CNTNAP2: variants seen among roughly 807,000 people sequenced by gnomAD.
CNTNAP2 encodes the protein contactin-associated protein-like 2.
A neutral mutation model predicts 155.2 loss-of-function variants in CNTNAP2; 98 were observed. The ratio of observed to expected loss-of-function variants is 0.63; its 90% CI spans 0.54 to 0.75. The LOEUF is 0.75. CNTNAP2 is among the 30% of genes least tolerant of loss of function. The probability of loss-of-function intolerance (pLI) is 0.00; values close to 1 mark genes in which losing one functional copy is unlikely to be tolerated. For synonymous variants in CNTNAP2, 651 were observed against 631.2 expected, an observed-to-expected ratio of 1.03 and a Z score of -0.47; for missense variants, 1,727 against 1,688.1, an observed-to-expected ratio of 1.02 and a Z score of -0.40.
intron 1 of CNTNAP2, among the ~76,000 whole-genome samples, chr7:146,189,632 A>G (rs1798673662): frequency 2.0e-5 from 3 of 152,200 alleles, no homozygotes. Context: ...AGAAAGTTAA[A>G]GAGTAGATTT....
chr7:147,769,485 G>T (rs1797434557), intron 13 of CNTNAP2, among the ~76,000 whole-genome samples: 2 of 152,044 alleles, frequency 1.3e-5, no homozygotes, highest in South Asian at 4.1e-4. Context: ...ATTATCCAAA[G>T]AAAAAGCCAA....
intron 1 of CNTNAP2, among the ~76,000 whole-genome samples, chr7:146,698,820 T>A (rs1167916121): frequency 6.6e-6 from 1 of 152,152 alleles, no homozygotes; most frequent in Non-Finnish European, 1.5e-5. Context: ...TATTTTTCAT[T>A]TTTTTACTCT....
chr7:147,971,001 T>C (rs1801323364), intron 14 of CNTNAP2, among the ~76,000 whole-genome samples: 1 of 152,164 alleles, frequency 6.6e-6, no homozygotes, highest in South Asian at 2.1e-4. Context: ...AAATCATGGG[T>C]ATCTAAGAAA....
At chr7:147,966,503 C>G (rs1298240189) in intron 14 of CNTNAP2, among the ~76,000 whole-genome samples, 1 of 151,988 alleles carries the variant, frequency 6.6e-6, no homozygotes, top group Non-Finnish European at 1.5e-5. Flanking sequence ...TATATCCAAA[C>G]AGAAGTCATG....
intron 9 of CNTNAP2, among the ~76,000 whole-genome samples, chr7:147,309,210 A>C (rs1795081537): frequency 6.6e-6 from 1 of 152,196 alleles, no homozygotes; most frequent in Admixed American, 6.5e-5. Flanking sequence ...ATAGTGCTGA[A>C]TATCCTTCAT....
chr7:146,341,267 G>A (rs190441913), intron 1 of CNTNAP2, among the ~76,000 whole-genome samples: 2 of 152,188 alleles, frequency 1.3e-5, no homozygotes, highest in African/African-American at 2.4e-5. Context: ...AATGTAATTT[G>A]TTAAGTAACA....
At chr7:147,146,014 G>A (rs1454438226) in intron 8 of CNTNAP2, among the ~76,000 whole-genome samples, 1 of 152,168 alleles carries the variant, frequency 6.6e-6, no homozygotes, top group East Asian at 1.9e-4. Flanking sequence ...ATCATTAGTA[G>A]ATGCAAACAT....
intron 1 of CNTNAP2, among the ~76,000 whole-genome samples, chr7:146,264,843 G>T (rs1799970069): frequency 6.6e-6 from 1 of 152,166 alleles, no homozygotes; most frequent in South Asian, 2.1e-4. Flanking sequence ...AGCCTATGAT[G>T]CTCCAAATGC....
chr7:147,790,439 A>G (rs554104980), intron 13 of CNTNAP2, among the ~76,000 whole-genome samples: 1 of 152,162 alleles, frequency 6.6e-6, no homozygotes, highest in South Asian at 2.1e-4. Context: ...ACTTCTTCCT[A>G]TAATTTGATT....
intron 23 of CNTNAP2, 66 bp from the exon 24 acceptor site, chr7:148,415,351 T>C (rs1799956906): frequency 1.3e-6 from 2 of 1,530,496 alleles, no homozygotes; most frequent in African/African-American, 2.7e-5. Context: ...TGTAGTGAAG[T>C]GGGGACAGTG....
At chr7:147,905,579 T>C (rs1168550070) in intron 14 of CNTNAP2, among the ~76,000 whole-genome samples, 1 of 152,120 alleles carries the variant, frequency 6.6e-6, no homozygotes, top group Non-Finnish European at 1.5e-5. Context: ...GTGTGCAAGA[T>C]ACAACAAAAA....
intron 1 of CNTNAP2, among the ~76,000 whole-genome samples, chr7:146,469,934 G>T (rs1796771776): frequency 6.6e-6 from 1 of 151,646 alleles, no homozygotes; most frequent in Non-Finnish European, 1.5e-5. Flanking sequence ...CCGCCTCACG[G>T]GTTCACGCGG....
At chr7:146,249,285 T>A (rs773294152) in intron 1 of CNTNAP2, among the ~76,000 whole-genome samples, 1 of 152,192 alleles carries the variant, frequency 6.6e-6, no homozygotes, top group East Asian at 1.9e-4. Flanking sequence ...TATTATTCCT[T>A]TAAAATATTC....
chr7:148,171,668 TG>T (rs1209252138), intron 17 of CNTNAP2, among the ~76,000 whole-genome samples: 8 of 152,364 alleles, frequency 5.3e-5, no homozygotes, highest in Non-Finnish European at 1.2e-4. Flanking sequence ...GTGGTATAGC[TG>T]ATTTCTGTGT....
intron 13 of CNTNAP2, among the ~76,000 whole-genome samples, chr7:147,875,253 G>A (rs1799403616): frequency 6.6e-6 from 1 of 152,158 alleles, no homozygotes; most frequent in African/African-American, 2.4e-5. Context: ...AAGGAAAGAG[G>A]TTTAATGGAC....
At chr7:148,307,984 T>C (rs1396346968) in intron 21 of CNTNAP2, among the ~76,000 whole-genome samples, 1 of 152,082 alleles carries the variant, frequency 6.6e-6, no homozygotes, top group African/African-American at 2.4e-5. Context: ...AAAAAAAGAA[T>C]ATACTAAACA....
chr7:147,866,305 C>G (rs1202829405), intron 13 of CNTNAP2, among the ~76,000 whole-genome samples: 2 of 152,012 alleles, frequency 1.3e-5, no homozygotes, highest in African/African-American at 2.4e-5. Context: ...CATTTCTGTT[C>G]TTTTCTATTT....
chr7:147,245,556 G>A (rs1458054872), intron 8 of CNTNAP2, among the ~76,000 whole-genome samples: 1 of 151,954 alleles, frequency 6.6e-6, no homozygotes, highest in Non-Finnish European at 1.5e-5. Flanking sequence ...CTTAGAGGCT[G>A]GGCGCGGTGG....
intron 16 of CNTNAP2, among the ~76,000 whole-genome samples, chr7:148,136,150 G>A (rs1175529967): frequency 3.3e-5 from 5 of 151,032 alleles, no homozygotes; most frequent in Admixed American, 2.0e-4. Flanking sequence ...AGGAAAGAAG[G>A]AAGGAAAGAA....
Sources: allele counts gnomAD v4.1 joint callset (sites outside exome capture counted in the v4.1 genomes callset), GRCh38; gene constraint gnomAD v4.1.1; transcripts MANE v1.5; gene names NCBI Gene and HGNC (gene_info 2026-07-23, HGNC 2026-07-21).